Variants in NRXN1 observed in about 807,000 individuals in gnomAD.
The protein encoded by NRXN1 is neurexin 1, also known as neurexin-1.
A neutral mutation model predicts 150.9 loss-of-function variants in NRXN1; 39 were observed. The observed-to-expected ratio is 0.26, with a 90% CI of 0.20 to 0.34. The LOEUF is 0.34. NRXN1 is among the 10% of genes least tolerant of loss of function. NRXN1 has a pLI of 1.00. For synonymous variants in NRXN1, 924 were observed against 757.0 expected (o/e 1.22, Z -3.62); for missense variants, 1,815 against 1,949.9 (o/e 0.93, Z 1.30).
At chr2:50,122,823 T>C (rs1471025952) in intron 18 of NRXN1, among the ~76,000 whole-genome samples, 1 of 152,222 alleles carries the variant, frequency 6.6e-6, no homozygotes, top group Non-Finnish European at 1.5e-5. Context: ...AGTTATGCGA[T>C]TCCCAGCTTT....
chr2:49,961,873 C>G lies in NRXN1; in HGVS notation c.4129-18082G>C, dbSNP rs80047409. On this transcript the variant is annotated intron_variant, in intron 21 of 22. Transcript: ENST00000401669. Reference sequence around the variant, plus strand: ...ACCGCAGTTCCCAACTCTGTCCCCACAACCTCACCCTAATCATTTTATCAA... The same window carrying G: ...ACCGCAGTTCCCAACTCTGTCCCCAGAACCTCACCCTAATCATTTTATCAA... 8.9e-3 allele frequency among the ~76,000 whole-genome samples: 1,354 copies of G among 152,230 alleles called. 20 individuals are homozygous for G. The highest frequency in any genetic ancestry group is 0.031 in the African/African-American group (1,267 of 41,530).
At chr2:51,025,142 C>T (rs902928544) in intron 2 of NRXN1, among the ~76,000 whole-genome samples, 3 of 152,082 alleles carry the variant, frequency 2.0e-5, no homozygotes, top group African/African-American at 7.2e-5. Flanking sequence ...CAAAAGAATC[C>T]AATCTTTTGT....
intron 9 of NRXN1, 24 bp downstream of exon 9, chr2:50,552,563 A>C: frequency 6.3e-7 from 1 of 1,576,204 alleles, no homozygotes; most frequent in Non-Finnish European, 8.7e-7. Context: ...GCAGATAAAC[A>C]GCATAGAAAA....
At chr2:50,906,468 T>C (rs1683687744) in intron 5 of NRXN1, among the ~76,000 whole-genome samples, 1 of 152,142 alleles carries the variant, frequency 6.6e-6, no homozygotes, top group African/African-American at 2.4e-5. Context: ...CTATTACTTA[T>C]TTTTCACCTC....
intron 5 of NRXN1, among the ~76,000 whole-genome samples, chr2:50,628,760 G>A (rs371716873): frequency 1.3e-4 from 19 of 151,362 alleles, no homozygotes; most frequent in African/African-American, 2.4e-4. Context: ...CCAAAGCCAC[G>A]TAAATGTCAA....
At chr2:50,888,761 T>C (rs1344316748) in intron 5 of NRXN1, among the ~76,000 whole-genome samples, 1 of 151,666 alleles carries the variant, frequency 6.6e-6, no homozygotes, top group Non-Finnish European at 1.5e-5. Flanking sequence ...ATAATGCAGG[T>C]ACTCAATTTG....
At chr2:50,865,462 G>A (rs1172888469) in intron 5 of NRXN1, among the ~76,000 whole-genome samples, 1 of 151,424 alleles carries the variant, frequency 6.6e-6, no homozygotes, top group African/African-American at 2.4e-5. Flanking sequence ...GGATCTCCAG[G>A]ATCAAAAAGG....
At chr2:50,251,815 C>T (rs966235624) in intron 17 of NRXN1, among the ~76,000 whole-genome samples, 1 of 152,174 alleles carries the variant, frequency 6.6e-6, no homozygotes, top group African/African-American at 2.4e-5. Context: ...TGATTGTTGG[C>T]AGCATAAATG....
chr2:50,513,291 G>A (rs781303920), intron 12 of NRXN1, among the ~76,000 whole-genome samples: 7 of 152,052 alleles, frequency 4.6e-5, no homozygotes, highest in Non-Finnish European at 1.0e-4. Flanking sequence ...TTAAAAAATG[G>A]TTGACAGTCA....
intron 12 of NRXN1, among the ~76,000 whole-genome samples, chr2:50,523,239 AAAC>A (rs1467640000): frequency 6.6e-6 from 1 of 152,172 alleles, no homozygotes; most frequent in Non-Finnish European, 1.5e-5. Context: ...CAACAACAAA[AAAC>A]AACGAGACTT....
intron 18 of NRXN1, among the ~76,000 whole-genome samples, chr2:50,224,040 T>C (rs2064131418): frequency 6.6e-6 from 1 of 152,008 alleles, no homozygotes; most frequent in Non-Finnish European, 1.5e-5. Context: ...AAATACTATG[T>C]GCTATGTCAT....
At position 50,012,090 on chromosome 2, in the gene NRXN1, T is replaced by C. The variant is rs565372287; in HGVS notation, c.4128+41181A>G. ...TCTATCTTAAAAGTATTCTGGATTT[T>C]CCCCCCATCTTCATAAGGTTGGTAA... On this transcript the variant is annotated intron_variant, in intron 21 of 22. Coordinates refer to ENST00000401669, the MANE Select transcript of NRXN1 (RefSeq NM_001330078.2). Among the ~76,000 whole-genome samples, 494 of 152,150 alleles carry C rather than the reference T, an allele frequency of 3.2e-3. 2 individuals carry two copies. Among genetic ancestry groups the C allele is most frequent in the African/African-American group, 0.011 (465 of 41,534 alleles).
chr2:50,160,478 T>G (rs1270377213), intron 18 of NRXN1, among the ~76,000 whole-genome samples: 2 of 151,970 alleles, frequency 1.3e-5, no homozygotes, highest in Non-Finnish European at 2.9e-5. Context: ...GAGGTGGAAG[T>G]TGCAGTGAGC....
intron 9 of NRXN1, among the ~76,000 whole-genome samples, chr2:50,543,760 T>C (rs759687200): frequency 5.3e-5 from 8 of 152,124 alleles, no homozygotes; most frequent in African/African-American, 1.4e-4. Flanking sequence ...TCTACTTCCA[T>C]AAGATTAGTT....
At chr2:50,155,358 T>C (rs1016988040) in intron 18 of NRXN1, among the ~76,000 whole-genome samples, 4 of 151,262 alleles carry the variant, frequency 2.6e-5, no homozygotes, top group Non-Finnish European at 4.4e-5. Flanking sequence ...TTATTTTGCT[T>C]GGGGCCCTCA....
At chr2:50,787,485 C>A (rs1177518789) in intron 5 of NRXN1, among the ~76,000 whole-genome samples, 1 of 151,444 alleles carries the variant, frequency 6.6e-6, no homozygotes, top group Non-Finnish European at 1.5e-5. Context: ...TCGCTTGAAC[C>A]CAGGAGGTAG....
chr2:50,499,791 T>C (rs1459018260), intron 13 of NRXN1, among the ~76,000 whole-genome samples: 2 of 151,776 alleles, frequency 1.3e-5, no homozygotes, highest in Admixed American at 6.6e-5. Flanking sequence ...CTACTAAAAA[T>C]ACAAAAATTA....
chr2:50,587,822 G>A (rs1309373639), intron 8 of NRXN1, among the ~76,000 whole-genome samples: 2 of 152,096 alleles, frequency 1.3e-5, no homozygotes, highest in Non-Finnish European at 2.9e-5. Flanking sequence ...AAAGCTTGAA[G>A]AATCAATGTT....
At chr2:50,764,267 G>A (rs1045030534) in intron 5 of NRXN1, among the ~76,000 whole-genome samples, 3 of 151,890 alleles carry the variant, frequency 2.0e-5, no homozygotes, top group Admixed American at 6.6e-5. Flanking sequence ...TGATTATAGT[G>A]GGGCATGACA....
Sources: allele counts gnomAD v4.1 joint callset (sites outside exome capture counted in the v4.1 genomes callset), GRCh38; gene constraint gnomAD v4.1.1; transcripts MANE v1.5; gene names NCBI Gene and HGNC (gene_info 2026-07-23, HGNC 2026-07-21).